Variants in MCCC1 observed in about 807,000 individuals in gnomAD.
MCCC1 encodes methylcrotonyl-CoA carboxylase subunit 1.
Under a neutral mutation model 83.8 loss-of-function variants are expected in MCCC1, and 64 were observed. The ratio of observed to expected loss-of-function variants is 0.76; its 90% CI spans 0.62 to 0.94. The LOEUF (loss-of-function observed/expected upper bound fraction) is 0.94. Ranked by LOEUF, MCCC1 falls within the 40% of genes least tolerant of loss-of-function variation. MCCC1 has a pLI of 0.00. For missense variants in MCCC1, 807 were observed against 904.7 expected (o/e 0.89, Z 1.39); for synonymous variants, 322 against 315.4 (o/e 1.02, Z -0.22).
intron 14 of MCCC1, 137 bp from the exon 15 acceptor site, chr3:183,025,941 G>A: frequency 2.8e-6 from 2 of 720,260 alleles, no homozygotes; most frequent in South Asian, 1.7e-5. Context: ...GAACTTCTTG[G>A]AAATAAAGTA....
At chr3:183,035,025 G>A (rs1402509267) in intron 13 of MCCC1, among the ~76,000 whole-genome samples, 1 of 152,048 alleles carries the variant, frequency 6.6e-6, no homozygotes, top group Admixed American at 6.6e-5. Context: ...TGATCCACCC[G>A]CCCTGGGCCT....
At chr3:183,041,467 C>T in intron 11 of MCCC1, 100 bp downstream of exon 11, 1 of 1,258,274 alleles carries the variant, frequency 7.9e-7, no homozygotes, top group Non-Finnish European at 1.1e-6. Flanking sequence ...TTAAAATATG[C>T]TAGACAGTTC....
chr3:183,101,892 T>C (rs1560294275), upstream of MCCC1, among the ~76,000 whole-genome samples: 1 of 151,676 alleles, frequency 6.6e-6, no homozygotes. Flanking sequence ...ACACGCTGCC[T>C]TAAGAGCTGT....
Position 183,106,482 on chromosome 3 carries a change from T to TTTTCTTTCTTTCTTTC in MCCC1, c.-102+8976_-102+8991dup, listed in dbSNP as rs144890143. Among the ~76,000 whole-genome samples, 214 of 147,070 alleles carry TTTTCTTTCTTTCTTTC rather than the reference T, an allele frequency of 1.5e-3. 5 individuals are homozygous for TTTTCTTTCTTTCTTTC. Among genetic ancestry groups the TTTTCTTTCTTTCTTTC allele is most frequent in the African/African-American group, 4.7e-3 (180 of 38,292 alleles). On this transcript the variant is annotated intron_variant, in intron 1 of 17. Coordinates refer to the MCCC1 transcript ENST00000492597. The stretch of plus-strand genomic sequence containing the variant: ...AGATTTCCCAAATGTTTCTTTGTTC[T>TTTTCTTTCTTTCTTTC]TTTCTTTCTTTCTTTCTTTCTTTCT...
chr3:183,064,910 C>T lies in MCCC1; in HGVS notation c.761+6089G>A, dbSNP rs1716140837. Among the ~76,000 whole-genome samples, 1 of 151,838 alleles carries T rather than the reference C, an allele frequency of 6.6e-6. No homozygotes were observed. Among genetic ancestry groups the T allele is most frequent in the Admixed American group, 6.6e-5 (1 of 15,246 alleles). ...TGGTCTCTCTGAGCACCTTGCTTTC[C>T]CCATCCTGCCACAAAGCAATGCTTT... On this transcript the variant is annotated intron_variant, in intron 7 of 18. Coordinates refer to ENST00000265594, the MANE Select transcript of MCCC1 (RefSeq NM_020166.5). The surrounding 1 kb of genome is among the most constrained non-coding windows in gnomAD (Gnocchi z 4.5).
chr3:183,068,926 T>C (rs1316492426), intron 7 of MCCC1, among the ~76,000 whole-genome samples: 1 of 152,192 alleles, frequency 6.6e-6, no homozygotes, highest in East Asian at 1.9e-4. Context: ...TCAGTTTGTG[T>C]AAGGACACTC....
At chr3:183,084,465 T>A (rs1577349000) in intron 4 of MCCC1, among the ~76,000 whole-genome samples, 2 of 152,310 alleles carry the variant, frequency 1.3e-5, no homozygotes, top group East Asian at 3.9e-4. Context: ...ATCATCTCCT[T>A]ACCCTCCTAA....
At chr3:183,097,906 T>TTTTTTTTA (rs1718857762) in intron 1 of MCCC1, among the ~76,000 whole-genome samples, 1 of 152,110 alleles carries the variant, frequency 6.6e-6, no homozygotes, top group Non-Finnish European at 1.5e-5. Context: ...ACACCAACTT[T>TTTTTTTTA]TTTTTTTATT....
At chr3:183,091,953 G>C (rs955662640) in intron 3 of MCCC1, among the ~76,000 whole-genome samples, 2 of 151,992 alleles carry the variant, frequency 1.3e-5, no homozygotes, top group Non-Finnish European at 2.9e-5. Flanking sequence ...CAGGAGAATC[G>C]AGGCAGGAGA....
intron 11 of MCCC1, 38 bp from the exon 12 acceptor site, chr3:183,039,173 A>G (rs769880165): frequency 1.9e-6 from 3 of 1,568,588 alleles, no homozygotes; most frequent in South Asian, 2.2e-5. Flanking sequence ...TCAAGTCAAA[A>G]CACGAAGGAA....
intron 9 of MCCC1, among the ~76,000 whole-genome samples, chr3:183,046,038 T>TA (rs1215012339): frequency 6.6e-6 from 1 of 152,250 alleles, no homozygotes; most frequent in Non-Finnish European, 1.5e-5. Flanking sequence ...TATTAAGCTC[T>TA]AAAAAATTTC....
Position 183,055,271 on chromosome 3 carries a change from G to A in MCCC1, c.873+2040C>T, listed in dbSNP as rs911198802. Among the ~76,000 whole-genome samples, 54 of 151,672 alleles carry A rather than the reference G, an allele frequency of 3.6e-4. 2 individuals are homozygous for A. Among genetic ancestry groups the A allele is most frequent in the Admixed American group, 3.5e-3 (53 of 15,214 alleles). On this transcript the variant is annotated intron_variant, in intron 8 of 18. Coordinates refer to ENST00000265594, the MANE Select transcript of MCCC1 (RefSeq NM_020166.5). ...TAGAAAAAAAAAAAAAATTAGCCGG[G>A]TGTGGTGGTGGGTGCCTTAATCCCA...
chr3:183,015,298 C>A lies in MCCC1; in HGVS notation c.*140G>T. 1 of 845,340 alleles carries A rather than the reference C, an allele frequency of 1.2e-6. No individual in the cohort carries two copies. Among genetic ancestry groups the A allele is most frequent in the Non-Finnish European group, 2.0e-6 (1 of 493,142 alleles). 52.4% of individuals were successfully genotyped at this position (845,340 alleles called of 1,614,324 possible). The stretch of plus-strand genomic sequence containing the variant: ...TTAGTGACCCAAATGCATGATTCTC[C>A]AATATGAAAGGTGTTCAGCATAAGC... On this transcript the variant is annotated 3_prime_UTR_variant, in exon 19 of 19. Coordinates refer to ENST00000265594, the MANE Select transcript of MCCC1 (RefSeq NM_020166.5).
chr3:183,015,320 A>G lies in MCCC1; in HGVS notation c.*118T>C. On this transcript the variant is annotated 3_prime_UTR_variant, in exon 19 of 19. Coordinates refer to ENST00000265594, the MANE Select transcript of MCCC1 (RefSeq NM_020166.5). ...CTCCAATATGAAAGGTGTTCAGCAT[A>G]AGCATACAATCATTTAGTAAAACTG... 1 of 1,018,242 alleles carries G rather than the reference A, an allele frequency of 9.8e-7. No individual in the cohort carries two copies. Among genetic ancestry groups the G allele is most frequent in the South Asian group, 1.3e-5 (1 of 78,564 alleles). The allele number at this position is 1,018,242 out of a possible 1,614,324, so 63.1% of individuals were successfully genotyped here.
intron 14 of MCCC1, among the ~76,000 whole-genome samples, chr3:183,026,964 GT>G (rs934939878): frequency 1.1e-4 from 16 of 152,284 alleles, no homozygotes; most frequent in African/African-American, 3.9e-4. Flanking sequence ...CAGATACTAT[GT>G]TTTTTACCTA....
At chr3:183,036,895 G>C (rs559503108) in intron 13 of MCCC1, among the ~76,000 whole-genome samples, 3 of 151,962 alleles carry the variant, frequency 2.0e-5, no homozygotes, top group Non-Finnish European at 2.9e-5. Flanking sequence ...GGATGGTCTT[G>C]ATCTCCTGAC....
chr3:183,056,902 T>C (rs1715461503), intron 8 of MCCC1, among the ~76,000 whole-genome samples: 1 of 152,048 alleles, frequency 6.6e-6, no homozygotes, highest in African/African-American at 2.4e-5. Context: ...TCCATGTGGG[T>C]CAGGCTGGTC....
At chr3:183,036,924 T>TC (rs1277408454) in intron 13 of MCCC1, among the ~76,000 whole-genome samples, 2 of 152,102 alleles carry the variant, frequency 1.3e-5, no homozygotes. Flanking sequence ...CCAGCCGCCC[T>TC]GGCCTCCCAA....
chr3:183,060,568 T>C (rs76300808), intron 7 of MCCC1, among the ~76,000 whole-genome samples: 4,439 of 151,926 alleles, frequency 0.029, 221 homozygotes, highest in African/African-American at 0.1. Flanking sequence ...TGTTTGCAAA[T>C]ACACTTATAG....
Sources: gnomAD v4.1 joint callset for allele counts (sites outside exome capture counted in the v4.1 genomes callset) on GRCh38, gnomAD v4.1.1 for gene constraint, Gnocchi (gnomAD v3.1) non-coding constraint, MANE v1.5 for transcripts, NCBI Gene and HGNC (gene_info 2026-07-23, HGNC 2026-07-21) for gene names.